The following MTM1 variants were observed in gnomAD, a reference collection of about 807,000 sequenced individuals.
MTM1 encodes myotubularin 1, also known as myotubularin.
MTM1 carries 9 observed loss-of-function variants against 52.1 expected under a neutral mutation model. That is an observed-to-expected ratio of 0.17 (90% CI 0.10 to 0.30). MTM1 has a LOEUF of 0.30. MTM1 is among the 10% of genes least tolerant of loss of function. The pLI, the probability that MTM1 is intolerant of heterozygous loss-of-function variation, is 1.00. For missense variants in MTM1, 277 were observed against 470.7 expected (o/e 0.59, Z 3.81); for synonymous variants, 136 against 163.8 (o/e 0.83, Z 1.29).
chrX:150,582,034 A>G (rs1343768532), intron 1 of MTM1, among the ~76,000 whole-genome samples: 1 of 111,695 alleles, frequency 9.0e-6, no homozygotes, highest in Non-Finnish European at 1.9e-5. Context: ...TTTTATACAT[A>G]TTAATTATCT....
intron 10 of MTM1, among the ~76,000 whole-genome samples, chrX:150,656,636 C>T (rs2040119514): frequency 8.9e-6 from 1 of 112,005 alleles, no homozygotes; most frequent in East Asian, 2.8e-4. Flanking sequence ...AACACCTGGG[C>T]ACATTCAAAT....
intron 6 of MTM1, among the ~76,000 whole-genome samples, chrX:150,620,286 A>G (rs1253500199): frequency 8.9e-6 from 1 of 112,208 alleles, no homozygotes; most frequent in African/African-American, 3.2e-5. Flanking sequence ...TTGCTTCATC[A>G]GACATCCCCT....
At chrX:150,583,901 T>TGTATTAA (rs1557412117) in intron 1 of MTM1, among the ~76,000 whole-genome samples, 5 of 53,906 alleles carry the variant, frequency 9.3e-5, no homozygotes, top group African/African-American at 3.5e-4. Context: ...ATATTTGATA[T>TGTATTAA]ATATATATAT....
At chrX:150,616,176 C>A (rs149701385) in intron 5 of MTM1, among the ~76,000 whole-genome samples, 5 of 111,360 alleles carry the variant, frequency 4.5e-5, no homozygotes, top group African/African-American at 1.3e-4. Flanking sequence ...TGACTATTTA[C>A]GAACAAAAGG....
intron 8 of MTM1, 150 bp downstream of exon 8, chrX:150,641,568 G>A: frequency 1.5e-6 from 1 of 686,681 alleles, no homozygotes; most frequent in East Asian, 3.4e-5. Flanking sequence ...ATACCAGACT[G>A]GAGAAGAAGT....
chrX:150,668,994 T>A (rs1403827219), intron 14 of MTM1, among the ~76,000 whole-genome samples: 1 of 110,999 alleles, frequency 9.0e-6, no homozygotes, highest in Non-Finnish European at 1.9e-5. Context: ...AGTGGTTTGC[T>A]GCACCTATTG....
chrX:150,602,069 T>C (rs2039077545), intron 4 of MTM1, among the ~76,000 whole-genome samples: 1 of 112,281 alleles, frequency 8.9e-6, no homozygotes, highest in Admixed American at 9.5e-5. Flanking sequence ...TCATTCCTTC[T>C]TTGTGTCCCT....
chrX:150,572,786 G>A (rs1045720285), intron 1 of MTM1, among the ~76,000 whole-genome samples: 1 of 112,665 alleles, frequency 8.9e-6, no homozygotes, highest in Non-Finnish European at 1.9e-5. Context: ...TAGCTCCCCA[G>A]GTCTGTACCA....
chrX:150,623,478 T>TA (rs1271611895), intron 6 of MTM1, among the ~76,000 whole-genome samples: 1 of 111,228 alleles, frequency 9.0e-6, no homozygotes, highest in Non-Finnish European at 1.9e-5. Context: ...TGCAGGTGTT[T>TA]AAAGGAAGCA....
At chrX:150,597,178 G>A (rs1392277257) in intron 3 of MTM1, among the ~76,000 whole-genome samples, 1 of 112,141 alleles carries the variant, frequency 8.9e-6, no homozygotes, top group Non-Finnish European at 1.9e-5. Context: ...TTTATATGTG[G>A]ATTAACACCC....
the MTM1 span, among the ~76,000 whole-genome samples, chrX:150,562,728 T>C: frequency 8.9e-6 from 1 of 112,097 alleles, no homozygotes; most frequent in African/African-American, 3.2e-5. Flanking sequence ...ATCTAGCACC[T>C]GGCAAAATAG....
At chrX:150,656,657 C>T (rs1221085566) in intron 10 of MTM1, among the ~76,000 whole-genome samples, 2 of 111,886 alleles carry the variant, frequency 1.8e-5, no homozygotes, top group African/African-American at 6.5e-5. Flanking sequence ...GCAGTGTCTG[C>T]AGCAAAAGTA....
chrX:150,660,030 G>A (rs1022238936), intron 12 of MTM1, among the ~76,000 whole-genome samples: 6 of 111,859 alleles, frequency 5.4e-5, no homozygotes, highest in African/African-American at 1.9e-4. Flanking sequence ...ATACCAAGTC[G>A]TCGTTTATAT....
chrX:150,620,271 AG>A (rs1471512170), intron 6 of MTM1, among the ~76,000 whole-genome samples: 1 of 112,106 alleles, frequency 8.9e-6, no homozygotes, highest in African/African-American at 3.2e-5. Context: ...GTCTCCTGCA[AG>A]ATCTTGCTTC....
chrX:150,654,153 G>T (rs1557414316), intron 10 of MTM1, among the ~76,000 whole-genome samples: 2 of 112,290 alleles, frequency 1.8e-5, no homozygotes, highest in African/African-American at 6.5e-5. Context: ...TAAAACTCTG[G>T]TATAGTTTTA....
Position 150,598,445 on chromosome X carries a change from C to T in MTM1, c.137-147C>T. On this transcript the variant is annotated intron_variant, in intron 3 of 14. Coordinates refer to ENST00000370396, the MANE Select transcript of MTM1 (RefSeq NM_000252.3). Reference sequence around the variant, plus strand: ...TCAACCCAGCACGGTAATGTAGAAACATTGCCAGTGCTTGCTTTCAGCCTT... The same window carrying T: ...TCAACCCAGCACGGTAATGTAGAAATATTGCCAGTGCTTGCTTTCAGCCTT... The T allele has an allele frequency of 2.9e-5, 13 of 441,241 alleles. No homozygotes were observed. In the South Asian group the frequency reaches 4.4e-4, roughly 15 times the overall value. 36.4% of individuals were successfully genotyped at this position (441,241 alleles called of 1,213,427 possible).
At chrX:150,564,202 T>A (rs374588464), upstream of MTM1, among the ~76,000 whole-genome samples, 22 of 111,909 alleles carry the variant, frequency 2.0e-4, no homozygotes, top group African/African-American at 7.1e-4. Flanking sequence ...TATAATATTT[T>A]GTGTACAGTT....
Position 150,596,484 on chromosome X carries a change from T to C in MTM1, c.64-14T>C, listed in dbSNP as rs184956219. The C allele has an allele frequency of 5.4e-3, 6,417 of 1,194,712 alleles. 18 individuals carry two copies. The highest frequency in any genetic ancestry group is 0.01 in the South Asian group (583 of 56,403). On this transcript the variant is annotated splice_polypyrimidine_tract_variant and intron_variant, in intron 2 of 14. Transcript: ENST00000370396. ...GTAACGTCATTACTTCTGATGCATC[T>C]GTTTTGTTTCTAGACGTCTCGAGAT... is the stretch of plus-strand genomic sequence containing the variant.
rs1004100823 is a variant in MTM1, at chrX:150,632,271, C to T, written c.445-6672C>T. Among the ~76,000 whole-genome samples the T allele has an allele frequency of 1.2e-4, 13 of 111,732 alleles. No individual in the cohort carries two copies. In the East Asian group the frequency reaches 2.5e-3, roughly 22 times the overall value. On this transcript the variant is annotated intron_variant, in intron 6 of 14. Coordinates refer to ENST00000370396, the MANE Select transcript of MTM1 (RefSeq NM_000252.3). ...GGAGCATTTGTCAGGCAGAAATTGA[C>T]ATGTCATACTGAAGGAACAGTCTGT...
Sources: allele counts gnomAD v4.1 joint callset (sites outside exome capture counted in the v4.1 genomes callset), GRCh38; gene constraint gnomAD v4.1.1; transcripts MANE v1.5; gene names NCBI Gene and HGNC (gene_info 2026-07-23, HGNC 2026-07-21).